Variants in ITGA8 observed in about 807,000 individuals in gnomAD.
ITGA8 encodes integrin subunit alpha 8, also known as integrin alpha-8.
Under a neutral mutation model 142.3 loss-of-function variants are expected in ITGA8, and 91 were observed. The ratio of observed to expected loss-of-function variants is 0.64; its 90% CI spans 0.54 to 0.76. ITGA8 has a LOEUF of 0.76. ITGA8 is among the 30% of genes least tolerant of loss of function. The pLI is 0.00. For missense variants in ITGA8, 1,406 were observed against 1,327.7 expected, an observed-to-expected ratio of 1.06 and a Z score of -0.92; for synonymous variants, 505 against 485.2, an observed-to-expected ratio of 1.04 and a Z score of -0.54.
chr10:15,531,995 A>T (rs933316737), intron 27 of ITGA8, among the ~76,000 whole-genome samples: 1 of 144,988 alleles, frequency 6.9e-6, no homozygotes, highest in Non-Finnish European at 1.5e-5. Flanking sequence ...CAAGACTCAC[A>T]ACAGGGTTTC....
At position 15,546,049 on chromosome 10, in the gene ITGA8, C is replaced by T. The variant is rs754516874; in HGVS notation, c.2880+2406G>A. ...CTGGCCTCAGGGCCTTTGCACAGCT[C>T]GTTGTATTCTGTCTGGGGCTCTGCC... On this transcript the variant is annotated intron_variant, in intron 27 of 29. Coordinates refer to ENST00000378076, the MANE Select transcript of ITGA8 (RefSeq NM_003638.3). Among the ~76,000 whole-genome samples, 7 of 152,176 alleles carry T rather than the reference C, an allele frequency of 4.6e-5. No homozygotes were observed. In the East Asian group the frequency reaches 5.8e-4, roughly 13 times the overall value.
At chr10:15,537,566 G>A (rs996120161) in intron 27 of ITGA8, among the ~76,000 whole-genome samples, 10 of 152,126 alleles carry the variant, frequency 6.6e-5, no homozygotes, top group African/African-American at 2.2e-4. Flanking sequence ...ACAGGGAAAC[G>A]AAGATGTAAC....
intron 13 of ITGA8, among the ~76,000 whole-genome samples, chr10:15,624,981 C>T (rs193191857): frequency 1.3e-4 from 19 of 151,944 alleles, no homozygotes; most frequent in Admixed American, 3.3e-4. Context: ...CTTTGGCAAA[C>T]GTGTTAATCT....
In ITGA8 at chr10:15,575,133, A is replaced by G. The variant is rs1588653444; in HGVS notation, c.2478+356T>C. Among the ~76,000 whole-genome samples, 3 of 152,230 alleles carry G rather than the reference A, an allele frequency of 2.0e-5. No homozygotes were observed. The East Asian group carries it at 5.8e-4, about 29-fold the overall frequency. ...TGTCCTTTAAAATGCTATCTACTGT[A>G]GTTATAGCACTGTGAGTGGCTCAGG... On this transcript the variant is annotated intron_variant, in intron 24 of 29. Coordinates refer to ENST00000378076, the MANE Select transcript of ITGA8 (RefSeq NM_003638.3).
chr10:15,675,584 A>ACTC (rs367639213), intron 6 of ITGA8, among the ~76,000 whole-genome samples: 200 of 152,346 alleles, frequency 1.3e-3, no homozygotes, highest in African/African-American at 4.5e-3. Flanking sequence ...CAACCTTGTA[A>ACTC]CTACTTTGCT....
At chr10:15,680,361 T>G (rs1834715330) in intron 4 of ITGA8, among the ~76,000 whole-genome samples, 1 of 151,618 alleles carries the variant, frequency 6.6e-6, no homozygotes, top group Non-Finnish European at 1.5e-5. Flanking sequence ...CCGAGTCCTT[T>G]ATTTTTAAAA....
At chr10:15,608,102 G>T in intron 16 of ITGA8, 133 bp downstream of exon 16, 1 of 698,846 alleles carries the variant, frequency 1.4e-6, no homozygotes, top group Non-Finnish European at 2.5e-6. Flanking sequence ...TTTATTAGAA[G>T]GTTCCATATA....
intron 15 of ITGA8, among the ~76,000 whole-genome samples, chr10:15,612,585 G>C (rs1030342586): frequency 1.3e-5 from 2 of 152,158 alleles, no homozygotes; most frequent in African/African-American, 4.8e-5. Context: ...TTATAGTCAA[G>C]TTCCATCTTG....
At chr10:15,549,622 GGTT>G (rs1833756729) in intron 26 of ITGA8, among the ~76,000 whole-genome samples, 1 of 152,038 alleles carries the variant, frequency 6.6e-6, no homozygotes, top group Non-Finnish European at 1.5e-5. Flanking sequence ...CTCCATCATG[GGTT>G]TAAATTTATC....
chr10:15,588,596 T>C (rs1409469552), intron 22 of ITGA8, among the ~76,000 whole-genome samples: 1 of 152,266 alleles, frequency 6.6e-6, no homozygotes, highest in Non-Finnish European at 1.5e-5. Flanking sequence ...AATATATTTG[T>C]GCCACAGATT....
chr10:15,696,397 T>C (rs150061630), intron 2 of ITGA8, among the ~76,000 whole-genome samples: 5 of 152,136 alleles, frequency 3.3e-5, no homozygotes, highest in African/African-American at 4.8e-5. Flanking sequence ...ATATGTAATA[T>C]GTAAGAGTCC....
intron 21 of ITGA8, among the ~76,000 whole-genome samples, chr10:15,593,032 G>T (rs901087063): frequency 4.6e-5 from 7 of 152,206 alleles, no homozygotes; most frequent in African/African-American, 1.7e-4. Context: ...AGGTTACAAT[G>T]TTTATGTGCA....
intron 9 of ITGA8, among the ~76,000 whole-genome samples, 192 bp from the exon 10 acceptor site, chr10:15,659,247 G>A (rs1444862368): frequency 6.6e-6 from 1 of 151,866 alleles, no homozygotes; most frequent in Non-Finnish European, 1.5e-5. Flanking sequence ...TTTGTTTATG[G>A]TTAAGTCTGG....
intron 15 of ITGA8, among the ~76,000 whole-genome samples, chr10:15,612,139 T>C (rs1833308951): frequency 6.6e-6 from 1 of 152,194 alleles, no homozygotes; most frequent in Non-Finnish European, 1.5e-5. Context: ...TTTAACCAAA[T>C]GTGCCCAGGG....
intron 28 of ITGA8, among the ~76,000 whole-genome samples, chr10:15,525,567 G>A (rs1347052511): frequency 2.0e-5 from 3 of 150,202 alleles, no homozygotes; most frequent in African/African-American, 4.9e-5. Context: ...ACTTGAACCC[G>A]GGAGGCGGAG....
At chr10:15,546,918 T>C (rs1315319915) in intron 27 of ITGA8, among the ~76,000 whole-genome samples, 1 of 151,966 alleles carries the variant, frequency 6.6e-6, no homozygotes, top group African/African-American at 2.4e-5. Flanking sequence ...CAATGACCTT[T>C]AAAACAAAAC....
intron 2 of ITGA8, among the ~76,000 whole-genome samples, chr10:15,708,540 A>G (rs1374206925): frequency 1.3e-5 from 2 of 152,152 alleles, no homozygotes; most frequent in African/African-American, 4.8e-5. Flanking sequence ...AGCCCCCAAT[A>G]ACTGTATATT....
At chr10:15,566,738 G>C (rs1834087531) in intron 25 of ITGA8, among the ~76,000 whole-genome samples, 1 of 151,692 alleles carries the variant, frequency 6.6e-6, no homozygotes, top group Non-Finnish European at 1.5e-5. Flanking sequence ...TTGAGCCTGG[G>C]AGACAGGTTG....
chr10:15,648,100 A>G (rs1177777877), intron 11 of ITGA8, among the ~76,000 whole-genome samples: 1 of 152,242 alleles, frequency 6.6e-6, no homozygotes, highest in Non-Finnish European at 1.5e-5. Flanking sequence ...TAGAATGGGA[A>G]ACTTCACTAT....
Sources: gnomAD v4.1 joint callset for allele counts (sites outside exome capture counted in the v4.1 genomes callset) on GRCh38, gnomAD v4.1.1 for gene constraint, MANE v1.5 for transcripts, NCBI Gene and HGNC (gene_info 2026-07-23, HGNC 2026-07-21) for gene names.